Variants in CASK observed in about 807,000 individuals in gnomAD.
CASK encodes peripheral plasma membrane protein CASK.
CASK carries 4 observed loss-of-function variants against 82.9 expected under a neutral mutation model. That is an observed-to-expected ratio of 0.05 (90% CI 0.02 to 0.11). CASK has a LOEUF of 0.11. Ranked by LOEUF, CASK falls within the 10% of genes least tolerant of loss-of-function variation. CASK has a pLI of 1.00. For synonymous variants in CASK, 259 were observed against 253.5 expected (o/e 1.02, Z -0.20); for missense variants, 358 against 720.9 (o/e 0.50, Z 5.76).
chrX:41,750,566 G>GTAT (rs2068769608), intron 3 of CASK, among the ~76,000 whole-genome samples: 1 of 112,093 alleles, frequency 8.9e-6, no homozygotes, highest in Admixed American at 9.5e-5. Context: ...ACTGTATGCA[G>GTAT]AGAGAAATTA....
intron 1 of CASK, among the ~76,000 whole-genome samples, chrX:41,873,283 CAAAAAAAAAAA>C (rs1175165867): frequency 4.8e-4 from 15 of 31,296 alleles, no homozygotes; most frequent in African/African-American, 1.8e-3. Flanking sequence ...TTCTTCCTCA[CAAAAAAAAAAA>C]AAAAAAAAAA....
intron 22 of CASK, among the ~76,000 whole-genome samples, chrX:41,542,388 A>G (rs1195699326): frequency 8.8e-6 from 1 of 113,194 alleles, no homozygotes; most frequent in Non-Finnish European, 1.9e-5. Context: ...CTGGCTACTC[A>G]GCAAACTCTC....
chrX:41,795,853 C>A (rs2147851585), intron 2 of CASK, among the ~76,000 whole-genome samples: 1 of 110,513 alleles, frequency 9.0e-6, no homozygotes, highest in African/African-American at 3.3e-5. Context: ...AATCATTTGT[C>A]ATTTAGCATT....
chrX:41,571,953 G>A (rs187856119), intron 15 of CASK, among the ~76,000 whole-genome samples: 71 of 111,541 alleles, frequency 6.4e-4, no homozygotes, highest in African/African-American at 2.1e-3. Context: ...AGTACTTGGC[G>A]ATTTATCTCT....
intron 2 of CASK, among the ~76,000 whole-genome samples, chrX:41,838,026 A>AT (rs1296885918): frequency 1.8e-5 from 2 of 110,965 alleles, no homozygotes; most frequent in African/African-American, 3.3e-5. Flanking sequence ...ATTGTTACTT[A>AT]TTTTTTTTAA....
chrX:41,805,284 T>C (rs2070094211), intron 2 of CASK, among the ~76,000 whole-genome samples: 1 of 111,954 alleles, frequency 8.9e-6, no homozygotes, highest in Admixed American at 9.5e-5. Flanking sequence ...AAAAAAGGTT[T>C]TTTTGTGAGA....
intron 5 of CASK, among the ~76,000 whole-genome samples, chrX:41,690,834 C>T (rs2067541005): frequency 9.3e-6 from 1 of 107,669 alleles, no homozygotes; most frequent in African/African-American, 3.4e-5. Context: ...TCACCATACC[C>T]GCTAATTTTT....
chrX:41,905,104 T>C (rs1300009531), intron 1 of CASK, among the ~76,000 whole-genome samples: 2 of 112,365 alleles, frequency 1.8e-5, no homozygotes, highest in Non-Finnish European at 3.8e-5. Context: ...TATTCCATTG[T>C]GTGCAACTAC....
chrX:41,728,771 T>TA, intron 5 of CASK: 1 of 122,581 alleles, frequency 8.2e-6, no homozygotes, highest in Non-Finnish European at 1.9e-5. Context: ...TAAAAATAAG[T>TA]AAAAAAATAA....
chrX:41,772,345 C>CA lies in CASK; in HGVS notation c.278+14832dup, dbSNP rs761427437. Among the ~76,000 whole-genome samples, 230 of 26,320 alleles carry CA rather than the reference C, an allele frequency of 8.7e-3. 23 individuals are homozygous for CA. The highest frequency in any genetic ancestry group is 0.025 in the African/African-American group (141 of 5,592). The allele number at this position is 26,320 out of a possible 115,157, so 22.9% of individuals were successfully genotyped here. The stretch of plus-strand genomic sequence containing the variant: ...TGGGCAACAGAGTGAGACTCTGTCT[C>CA]AAAAAAAAAAAAAAAAAAAAAAAAA... On this transcript the variant is annotated intron_variant, in intron 3 of 26. Transcript: ENST00000378163.
At chrX:41,667,152 G>A (rs751784419) in intron 6 of CASK, among the ~76,000 whole-genome samples, 1 of 111,829 alleles carries the variant, frequency 8.9e-6, no homozygotes. Flanking sequence ...TTAGCTAGAC[G>A]AAGACTACCC....
At chrX:41,811,586 G>GT (rs766491462) in intron 2 of CASK, among the ~76,000 whole-genome samples, 4 of 112,479 alleles carry the variant, frequency 3.6e-5, no homozygotes, top group Non-Finnish European at 7.5e-5. Flanking sequence ...CACATTTAAA[G>GT]TAGTGTGTAG....
intron 3 of CASK, among the ~76,000 whole-genome samples, chrX:41,783,515 C>T (rs1164868866): frequency 1.9e-5 from 2 of 104,724 alleles, no homozygotes; most frequent in African/African-American, 3.5e-5. Context: ...CGCCGCTGCA[C>T]GCCAGCCTGG....
At chrX:41,760,226 C>G (rs2068977234) in intron 3 of CASK, among the ~76,000 whole-genome samples, 1 of 112,261 alleles carries the variant, frequency 8.9e-6, no homozygotes, top group African/African-American at 3.2e-5. Context: ...CTCACTAATC[C>G]TCACAGCTAA....
At chrX:41,907,479 G>A (rs1269420251) in intron 1 of CASK, among the ~76,000 whole-genome samples, 1 of 112,011 alleles carries the variant, frequency 8.9e-6, no homozygotes, top group Non-Finnish European at 1.9e-5. Flanking sequence ...TCACCTTAAT[G>A]GCTAAGAACA....
At chrX:41,660,675 C>T in intron 7 of CASK, 114 bp from the exon 8 acceptor site, 6 of 774,251 alleles carry the variant, frequency 7.7e-6, no homozygotes, top group Admixed American at 2.4e-5. Flanking sequence ...GAGCAAAGAA[C>T]AGAAATTTGA....
chrX:41,887,296 CCACACACA>C (rs3055225), intron 1 of CASK, among the ~76,000 whole-genome samples: 1,083 of 83,479 alleles, frequency 0.013, 8 homozygotes, highest in African/African-American at 0.033. Flanking sequence ...CTAGTTGAGT[CCACACACA>C]CACACACACA....
At chrX:41,814,604 G>T (rs961306873) in intron 2 of CASK, among the ~76,000 whole-genome samples, 1 of 91,615 alleles carries the variant, frequency 1.1e-5, no homozygotes. Flanking sequence ...GGTGGAGGGA[G>T]GGGGGAGGGA....
intron 12 of CASK, among the ~76,000 whole-genome samples, chrX:41,601,202 A>AC (rs1164904008): frequency 9.0e-6 from 1 of 111,365 alleles, no homozygotes; most frequent in East Asian, 2.8e-4. Flanking sequence ...AACAATGTGA[A>AC]TATACTTAAT....
Sources: gnomAD v4.1 joint callset for allele counts (sites outside exome capture counted in the v4.1 genomes callset) on GRCh38, gnomAD v4.1.1 for gene constraint, MANE v1.5 for transcripts, NCBI Gene and HGNC (gene_info 2026-07-23, HGNC 2026-07-21) for gene names.